C2: variants seen among roughly 807,000 people sequenced by gnomAD.
C2 encodes the protein complement C2, also known as C3/C5 convertase.
C2 carries 64 observed loss-of-function variants against 85.2 expected under a neutral mutation model. The observed-to-expected ratio is 0.75, with a 90% confidence interval of 0.61 to 0.92. The LOEUF is 0.92. Ranked by LOEUF, C2 falls within the 40% of genes least tolerant of loss-of-function variation. The pLI, the probability that C2 is intolerant of heterozygous loss-of-function variation, is 0.00. For missense variants in C2, 820 were observed against 971.6 expected (o/e 0.84, Z 2.07); for synonymous variants, 311 against 370.8 (o/e 0.84, Z 1.85).
At chr6:31,933,826 G>C (rs201851644) in intron 4 of C2, 41 bp from the exon 5 acceptor site, 2 of 1,613,556 alleles carry the variant, frequency 1.2e-6, no homozygotes, top group Non-Finnish European at 1.7e-6. Context: ...CGGCACACCC[G>C]GCCACTGCCC....
chr6:31,943,161 G>T lies in C2; in HGVS notation c.1360+62G>T, dbSNP rs547154. 0.1 allele frequency: 161,196 copies of T among 1,612,262 alleles called. 8,996 individuals are homozygous for T. The highest frequency in any genetic ancestry group is 0.19 in the African/African-American group (14,182 of 74,912). On this transcript the variant is annotated intron_variant, in intron 10 of 17. Coordinates refer to ENST00000299367, the MANE Select transcript of C2 (RefSeq NM_000063.6). The surrounding 1 kb of genome is among the most constrained non-coding windows in gnomAD (Gnocchi z 6.4). ...GGTGAGGAGCCCGCCAGAGGCCCGT[G>T]TTGGGAACCTGGACACAGTGCCCCT...
In C2 at chr6:31,945,517, C is replaced by A; in HGVS notation, c.*160C>A. 1.4e-6 allele frequency: 1 copy of A among 711,472 alleles called. No homozygotes were observed. Among genetic ancestry groups the A allele is most frequent in the Non-Finnish European group, 2.5e-6 (1 of 407,116 alleles). 44.1% of individuals were successfully genotyped at this position (711,472 alleles called of 1,614,324 possible). A position where few individuals can be genotyped will look rare whatever the true frequency, so the allele number is the denominator to read the frequency against. ...AGGCAGCGCACACAAGCTGGGAAAT[C>A]CTCAGGGCTCCTACCAGCAGGACTG... On this transcript the variant is annotated 3_prime_UTR_variant, in exon 18 of 18. Transcript: ENST00000299367. This position sits in a 1 kb window ranked among gnomAD's most constrained non-coding sequence, Gnocchi z 5.3.
upstream of C2, among the ~76,000 whole-genome samples, chr6:31,898,918 C>G (rs1285918622): frequency 6.6e-6 from 1 of 151,996 alleles, no homozygotes; most frequent in Non-Finnish European, 1.5e-5. Flanking sequence ...GAGGAGCTCA[C>G]TTGTCACACT....
upstream of C2, chr6:31,900,268 C>T: frequency 6.2e-7 from 1 of 1,613,588 alleles, no homozygotes; most frequent in Non-Finnish European, 8.5e-7. This position sits in a 1 kb window ranked among gnomAD's most constrained non-coding sequence, Gnocchi z 9.7. Context: ...AGACCAGCTT[C>T]TCCACGCCCT....
chr6:31,912,752 A>G (rs1195452957), intron 1 of C2, among the ~76,000 whole-genome samples: 1 of 152,002 alleles, frequency 6.6e-6, no homozygotes, highest in East Asian at 1.9e-4. Context: ...AGGCAGGAGA[A>G]TCGCTTGAAC....
Position 31,933,742 on chromosome 6 carries a change from A to G in C2, c.575A>G (p.Gln192Arg). The change falls in exon 4 of 18, where the codon CAG becomes CGG. Residue 192 changes from glutamine to arginine, a missense_variant. Coordinates refer to ENST00000299367, the MANE Select transcript of C2 (RefSeq NM_000063.6). Reference sequence around the variant, plus strand: ...ACGGGGTCTTCGGAGCGGGAGTGCCAGGGCAACGGGGTCTGGAGTGGAACG... The same window carrying G: ...ACGGGGTCTTCGGAGCGGGAGTGCCGGGGCAACGGGGTCTGGAGTGGAACG... ...VLTGSSEREC[Q>R]GNGVWSGTEP... is the part of the protein sequence containing the mutation. 1 of 1,613,652 alleles carries G rather than the reference A, an allele frequency of 6.2e-7. No homozygotes were observed. Among genetic ancestry groups the G allele is most frequent in the Non-Finnish European group, 8.5e-7 (1 of 1,180,036 alleles).
upstream of C2, among the ~76,000 whole-genome samples, chr6:31,916,656 G>T (rs1306038849): frequency 6.6e-6 from 1 of 151,454 alleles, no homozygotes; most frequent in African/African-American, 2.4e-5. Context: ...GTCTCCAGAC[G>T]CTTTCCACCT....
rs11962289 is a variant in C2, at chr6:31,944,701, T to A, written c.1903-26T>A. Reference sequence around the variant, plus strand: ...CACCCGGGTCTGCTTATTCTACCCTTCTCTCTGGTTCCACCCCTGCTGCAG... The same window carrying A: ...CACCCGGGTCTGCTTATTCTACCCTACTCTCTGGTTCCACCCCTGCTGCAG... On this transcript the variant is annotated intron_variant, in intron 15 of 17. Coordinates refer to ENST00000299367, the MANE Select transcript of C2 (RefSeq NM_000063.6). The surrounding 1 kb of genome is among the most constrained non-coding windows in gnomAD (Gnocchi z 5.1). 8,639 of 1,612,824 alleles carry A rather than the reference T, an allele frequency of 5.4e-3. 335 individuals are homozygous for A. The African/African-American group carries it at 0.092, about 17-fold the overall frequency.
rs146795528 is a variant in C2, at chr6:31,920,611, T to G, written c.-100+585T>G. Among the ~76,000 whole-genome samples the G allele has an allele frequency of 2.6e-4, 40 of 152,198 alleles. No individual in the cohort carries two copies. Among genetic ancestry groups the G allele is most frequent in the Non-Finnish European group, 4.6e-4 (31 of 68,010 alleles). On this transcript the variant is annotated intron_variant, in intron 1 of 3. Transcript: ENST00000413154. This position sits in a 1 kb window ranked among gnomAD's most constrained non-coding sequence, Gnocchi z 5.6. ...AGCTCCCCTGATGGGTAGCAAGAAG[T>G]GGGTGATAACATGCACCATGCCCCC...
At chr6:31,913,573 C>T (rs1040253127) in intron 1 of C2, among the ~76,000 whole-genome samples, 3 of 152,076 alleles carry the variant, frequency 2.0e-5, no homozygotes, top group Admixed American at 2.0e-4. Flanking sequence ...GCAACAAAAG[C>T]GAAACTCCAT....
chr6:31,918,183 G>A (rs186813173), upstream of C2, among the ~76,000 whole-genome samples: 4 of 152,198 alleles, frequency 2.6e-5, no homozygotes, highest in East Asian at 7.7e-4. Flanking sequence ...TACTCAGGAG[G>A]CTGAGGTGGG....
intron 3 of C2, chr6:31,932,554 T>G (rs9267763): frequency 2.6e-5 from 4 of 155,828 alleles, no homozygotes; most frequent in South Asian, 1.5e-4. Context: ...TTCCCAGATG[T>G]GATGGCGGCC....
At chr6:31,930,719 G>A (rs1023076381) in intron 3 of C2, among the ~76,000 whole-genome samples, 1 of 152,198 alleles carries the variant, frequency 6.6e-6, no homozygotes, top group African/African-American at 2.4e-5. Context: ...CCAGACCATG[G>A]ATCCCCACTC....
rs181903321 is a variant in C2, at chr6:31,921,600, G to A, written c.-100+1574G>A. On this transcript the variant is annotated intron_variant, in intron 1 of 3. Coordinates refer to the C2 transcript ENST00000413154. The surrounding 1 kb of genome is among the most constrained non-coding windows in gnomAD (Gnocchi z 4.6). ...TGAGTGTGGACCCAGGAGCCATGCT[G>A]CCTGGGTTTGAATCCCGGCTCTGCT... is the stretch of plus-strand genomic sequence containing the variant. Among the ~76,000 whole-genome samples, 4 of 152,052 alleles carry A rather than the reference G, an allele frequency of 2.6e-5. No individual in the cohort carries two copies. The highest frequency in any genetic ancestry group is 2.6e-4 in the Admixed American group (4 of 15,274).
At chr6:31,936,227 C>T (rs1770410415) in intron 7 of C2, 166 bp downstream of exon 7, 2 of 684,818 alleles carry the variant, frequency 2.9e-6, no homozygotes, top group Non-Finnish European at 5.1e-6. Context: ...TGGGGGAGTC[C>T]AGCTGCCCCC....
chr6:31,925,172 A>T (rs1363608693), upstream of C2, among the ~76,000 whole-genome samples: 3 of 152,212 alleles, frequency 2.0e-5, no homozygotes, highest in Non-Finnish European at 4.4e-5. Flanking sequence ...TCATTTTTAA[A>T]TTTCCTACAT....
At chr6:31,900,621 G>C (rs1195395382), upstream of C2, 1 of 1,612,576 alleles carries the variant, frequency 6.2e-7, no homozygotes, top group Non-Finnish European at 8.5e-7. The surrounding 1 kb of genome is among the most constrained non-coding windows in gnomAD (Gnocchi z 9.7). Flanking sequence ...CCCCCTCCCA[G>C]GCCTCCAGGG....
rs1444814525 is a variant in C2, at chr6:31,937,445, T to A, written c.1115T>A (p.Ile372Asn). 8 of 1,612,872 alleles carry A rather than the reference T, an allele frequency of 5.0e-6. No individual in the cohort carries two copies. The highest frequency in any genetic ancestry group is 6.8e-6 in the Non-Finnish European group (8 of 1,179,976). ...TGGCAGGAAATCCGACATGCCATCA[T>A]CCTTCTGACAGATGGTGGGTATCAT... is the stretch of plus-strand genomic sequence containing the variant. The part of the protein sequence containing the change: ...MAWQEIRHAI[I>N]LLTDGKSNMG... The change falls in exon 8 of 18, where the codon ATC becomes AAC. Residue 372 changes from isoleucine (I) to asparagine (N), a missense_variant. By Grantham distance (149) the Ile-to-Asn change is moderately radical (BLOSUM62 -3). Coordinates refer to ENST00000299367, the MANE Select transcript of C2 (RefSeq NM_000063.6).
chr6:31,933,664 G>T lies in C2; in HGVS notation c.497G>T (p.Arg166Leu), dbSNP rs749689628. 1.9e-6 allele frequency: 3 copies of T among 1,613,122 alleles called. No individual in the cohort carries two copies. Among genetic ancestry groups the T allele is most frequent in the South Asian group, 2.2e-5 (2 of 91,088 alleles). Residue 166 changes from arginine (R) to leucine (L), a missense_variant, in exon 4 of 18, where the codon CGC (arginine) becomes CTC (leucine). By Grantham distance (102) the Arg-to-Leu change is moderately radical. Coordinates refer to ENST00000299367, the MANE Select transcript of C2 (RefSeq NM_000063.6). Reference sequence around the variant, plus strand: ...CTGGGCGCAGTGCGGACAGGCTTCCGCTTTGGTCATGGGGACAAGGTCCGC... The same window carrying T: ...CTGGGCGCAGTGCGGACAGGCTTCCTCTTTGGTCATGGGGACAAGGTCCGC... Reference protein sequence around the residue: ...ISLGAVRTGFRFGHGDKVRYR... With the variant: ...ISLGAVRTGFLFGHGDKVRYR...
Sources: gnomAD v4.1 joint callset for allele counts (sites outside exome capture counted in the v4.1 genomes callset) on GRCh38, gnomAD v4.1.1 for gene constraint, Gnocchi (gnomAD v3.1) non-coding constraint, MANE v1.5 for transcripts, NCBI Gene and HGNC (gene_info 2026-07-23, HGNC 2026-07-21) for gene names.